Variants in ANKRD30B observed in about 807,000 individuals in gnomAD.
The protein encoded by ANKRD30B is ankyrin repeat domain 30B.
ANKRD30B carries 144 observed loss-of-function variants against 202.2 expected under a neutral mutation model. The observed-to-expected ratio is 0.71, with a 90% confidence interval of 0.62 to 0.82. The LOEUF (loss-of-function observed/expected upper bound fraction) is 0.82. ANKRD30B is among the 40% of genes least tolerant of loss of function. The pLI is 0.00. For missense variants in ANKRD30B, 1,487 were observed against 1,669.1 expected, an observed-to-expected ratio of 0.89 and a Z score of 1.90; for synonymous variants, 508 against 561.3, an observed-to-expected ratio of 0.91 and a Z score of 1.34.
the ANKRD30B span, among the ~76,000 whole-genome samples, chr18:14,861,464 A>G: frequency 6.6e-6 from 1 of 151,380 alleles, no homozygotes; most frequent in African/African-American, 2.4e-5. Context: ...AAGGAGAGGT[A>G]TTGCTATTCT....
chr18:14,905,514 G>A, the ANKRD30B span: 2 of 152,234 alleles, frequency 1.3e-5, no homozygotes, highest in Admixed American at 6.5e-5. Context: ...GTTAAGAAAA[G>A]GAAGGTTATG....
intron 12 of ANKRD30B, 95 bp from the exon 13 acceptor site, chr18:14,784,241 A>G (rs960161242): frequency 6.2e-6 from 8 of 1,285,828 alleles, no homozygotes; most frequent in African/African-American, 1.5e-5. Context: ...CTCAAAGTCA[A>G]CCAAGAGGAC....
the ANKRD30B span, chr18:14,890,015 C>A: frequency 1.7e-6 from 2 of 1,175,784 alleles, no homozygotes; most frequent in South Asian, 1.2e-5. Flanking sequence ...CTTCCTCATT[C>A]ATTGCAAGAT....
chr18:14,780,799 T>G (rs573957395), intron 11 of ANKRD30B, among the ~76,000 whole-genome samples: 1 of 152,222 alleles, frequency 6.6e-6, no homozygotes, highest in Non-Finnish European at 1.5e-5. Context: ...CCAGTATAGA[T>G]CTGAAGGAAC....
At chr18:14,846,976 C>A (rs1754339275) in intron 39 of ANKRD30B, among the ~76,000 whole-genome samples, 1 of 147,234 alleles carries the variant, frequency 6.8e-6, no homozygotes, top group South Asian at 2.2e-4. Flanking sequence ...TCTGTTAGTC[C>A]CAGATCTTCT....
the ANKRD30B span, among the ~76,000 whole-genome samples, chr18:14,861,137 G>T: frequency 6.6e-6 from 1 of 152,132 alleles, no homozygotes; most frequent in South Asian, 2.1e-4. Flanking sequence ...AGTTTGGCTC[G>T]TGAAAATAAA....
At chr18:14,935,411 G>A in the ANKRD30B span, among the ~76,000 whole-genome samples, 2 of 152,254 alleles carry the variant, frequency 1.3e-5, no homozygotes, top group East Asian at 3.9e-4. Context: ...CTACTCCCTG[G>A]CCCTGAGAAG....
At chr18:14,897,596 A>G in the ANKRD30B span, among the ~76,000 whole-genome samples, 1 of 151,706 alleles carries the variant, frequency 6.6e-6, no homozygotes, top group Non-Finnish European at 1.5e-5. Context: ...AAATAAAGTT[A>G]GCATAATATT....
At chr18:14,899,335 G>A in the ANKRD30B span, among the ~76,000 whole-genome samples, 1 of 151,986 alleles carries the variant, frequency 6.6e-6, no homozygotes, top group Non-Finnish European at 1.5e-5. Flanking sequence ...TATAGCATGT[G>A]TAGAATTAAA....
At position 14,748,484 on chromosome 18, in the gene ANKRD30B, G is replaced by A; in HGVS notation, c.65G>A (p.Ser22Asn). 6.5e-7 allele frequency: 1 copy of A among 1,547,846 alleles called. No homozygotes were observed. The highest frequency in any genetic ancestry group is 8.7e-7 in the Non-Finnish European group (1 of 1,144,828). Residue 22 changes from serine to asparagine, a missense_variant, in exon 1 of 44, where the codon AGC becomes AAC. Ser to Asn is a conservative substitution (Grantham distance 46). Transcript: ENST00000690538. ...VRGPEPPNPF[S>N]ERVYTEKDYG... is the part of the protein sequence containing the mutation. ...GGCCCGGAGCCCCCGAACCCCTTCA[G>A]CGAACGGGTCTACACTGAGAAGGAC...
the ANKRD30B span, among the ~76,000 whole-genome samples, chr18:14,910,427 T>C: frequency 6.6e-6 from 1 of 151,570 alleles, no homozygotes; most frequent in Non-Finnish European, 1.5e-5. Context: ...CATTTTTTTA[T>C]GGCTAAGTAG....
chr18:14,847,190 TCTTTG>T (rs887215349), intron 39 of ANKRD30B, among the ~76,000 whole-genome samples: 3 of 143,432 alleles, frequency 2.1e-5, no homozygotes, highest in African/African-American at 7.9e-5. Flanking sequence ...TAGGTATAAC[TCTTTG>T]CTTTGCTGTC....
intron 15 of ANKRD30B, among the ~76,000 whole-genome samples, chr18:14,790,506 G>A (rs1361743372): frequency 6.6e-6 from 1 of 152,120 alleles, no homozygotes; most frequent in Non-Finnish European, 1.5e-5. Flanking sequence ...TGCCAATTCA[G>A]TATGATATTG....
At chr18:14,859,969 G>T in the ANKRD30B span, among the ~76,000 whole-genome samples, 1 of 126,366 alleles carries the variant, frequency 7.9e-6, no homozygotes, top group Non-Finnish European at 1.7e-5. Flanking sequence ...CAGATGGGGC[G>T]ACCGGGAAGA....
At chr18:14,773,735 A>G (rs1370790046) in intron 9 of ANKRD30B, among the ~76,000 whole-genome samples, 2 of 148,150 alleles carry the variant, frequency 1.3e-5, no homozygotes, top group Non-Finnish European at 3.0e-5. Flanking sequence ...GGCTCACTGC[A>G]TCCTCTGCCT....
At chr18:14,770,745 C>G (rs1403962111) in intron 8 of ANKRD30B, among the ~76,000 whole-genome samples, 1 of 151,848 alleles carries the variant, frequency 6.6e-6, no homozygotes, top group Non-Finnish European at 1.5e-5. Context: ...TCAAAGACGT[C>G]CTGAATAGGT....
intron 33 of ANKRD30B, chr18:14,830,084 G>C (rs1024553401): frequency 6.5e-6 from 1 of 154,506 alleles, no homozygotes; most frequent in Non-Finnish European, 1.5e-5. Context: ...AGAGCTTATT[G>C]GTTGGTCATT....
the ANKRD30B span, among the ~76,000 whole-genome samples, chr18:14,893,295 A>G: frequency 0.41 from 62,654 of 152,032 alleles, 14,393 homozygotes; most frequent in East Asian, 0.59. Flanking sequence ...GTTCCTTTCA[A>G]TAGGCACAAA....
In ANKRD30B at chr18:14,810,632, G is replaced by C. The variant is rs1408254167; in HGVS notation, c.2488+452G>C. 3.3e-5 allele frequency among the ~76,000 whole-genome samples: 5 copies of C among 149,848 alleles called. 1 individual carries two copies. Among genetic ancestry groups the C allele is most frequent in the Non-Finnish European group, 3.0e-5 (2 of 67,570 alleles). On this transcript the variant is annotated intron_variant, in intron 28 of 43. Transcript: ENST00000690538. ...TGTTTTTCTGATTAGGTGACTGAGT[G>C]TGTGTGTGTGTGTGACATATAATTT...
Sources: gnomAD v4.1 joint callset for allele counts (sites outside exome capture counted in the v4.1 genomes callset) on GRCh38, gnomAD v4.1.1 for gene constraint, MANE v1.5 for transcripts, NCBI Gene and HGNC (gene_info 2026-07-23, HGNC 2026-07-21) for gene names.